Variants in TNFSF4 observed in about 807,000 individuals in gnomAD.
TNFSF4 encodes TNF superfamily member 4, also known as tumor necrosis factor ligand superfamily member 4.
In TNFSF4, 4 loss-of-function variants were observed where a neutral mutation model predicts 7.3. The ratio of observed to expected loss-of-function variants is 0.55; its 90% CI spans 0.27 to 1.25. The LOEUF (loss-of-function observed/expected upper bound fraction) is 1.25. Ranked by LOEUF, TNFSF4 falls within the 50% of genes most tolerant of loss-of-function variation. The pLI is 0.12. For missense variants in TNFSF4, 181 were observed against 208.8 expected (o/e 0.87, Z 0.82); for synonymous variants, 76 against 83.7 (o/e 0.91, Z 0.50).
At chr1:173,419,274 G>A in the TNFSF4 span, among the ~76,000 whole-genome samples, 17 of 151,854 alleles carry the variant, frequency 1.1e-4, no homozygotes, top group Middle Eastern at 0.01. Context: ...CCTGGGAGGC[G>A]GAGCTTGCAG....
At chr1:173,250,463 GT>G in the TNFSF4 span, among the ~76,000 whole-genome samples, 182 of 139,922 alleles carry the variant, frequency 1.3e-3, no homozygotes, top group Middle Eastern at 3.7e-3. Flanking sequence ...TTGTTTTTTT[GT>G]TTTTTTTTTT....
chr1:173,305,690 T>C, the TNFSF4 span, among the ~76,000 whole-genome samples: 1 of 151,092 alleles, frequency 6.6e-6, no homozygotes, highest in Non-Finnish European at 1.5e-5. Flanking sequence ...CTGGGTAATT[T>C]ATTAAAAAAA....
downstream of TNFSF4, among the ~76,000 whole-genome samples, chr1:173,183,401 G>A (rs1162876138): frequency 6.6e-6 from 1 of 152,178 alleles, no homozygotes; most frequent in Non-Finnish European, 1.5e-5. Context: ...GACAGCAGAT[G>A]TAATTACCAC....
chr1:173,396,307 C>T, the TNFSF4 span, among the ~76,000 whole-genome samples: 1,874 of 152,220 alleles, frequency 0.012, 35 homozygotes, highest in African/African-American at 0.043. Flanking sequence ...CCCAGGAATG[C>T]GAGACCAGGC....
intron 1 of TNFSF4, among the ~76,000 whole-genome samples, chr1:173,194,084 T>A (rs1301731832): frequency 6.6e-6 from 1 of 152,256 alleles, no homozygotes; most frequent in Non-Finnish European, 1.5e-5. Flanking sequence ...TGCTGTTAAC[T>A]ATGAACTTCC....
the TNFSF4 span, among the ~76,000 whole-genome samples, chr1:173,251,236 A>T: frequency 6.6e-6 from 1 of 152,262 alleles, no homozygotes; most frequent in Non-Finnish European, 1.5e-5. Context: ...CTTTGCTCCC[A>T]GAATTCTACC....
At chr1:173,352,468 G>A in the TNFSF4 span, among the ~76,000 whole-genome samples, 3 of 152,138 alleles carry the variant, frequency 2.0e-5, no homozygotes, top group African/African-American at 4.8e-5. Context: ...GTGTCCGGGG[G>A]AGACATCACA....
At chr1:173,423,499 A>G in the TNFSF4 span, among the ~76,000 whole-genome samples, 1 of 152,174 alleles carries the variant, frequency 6.6e-6, no homozygotes, top group South Asian at 2.1e-4. Flanking sequence ...GATGATGATC[A>G]GGTAGCAACT....
At chr1:173,369,031 T>G in the TNFSF4 span, among the ~76,000 whole-genome samples, 1 of 152,144 alleles carries the variant, frequency 6.6e-6, no homozygotes, top group African/African-American at 2.4e-5. Context: ...TATCTGGAAT[T>G]TTAGGATCCC....
the TNFSF4 span, among the ~76,000 whole-genome samples, chr1:173,320,579 C>T: frequency 6.6e-6 from 1 of 152,072 alleles, no homozygotes; most frequent in Non-Finnish European, 1.5e-5. Context: ...TTAGAAAACC[C>T]CATCATCTTA....
At chr1:173,392,974 A>C in the TNFSF4 span, among the ~76,000 whole-genome samples, 1 of 152,138 alleles carries the variant, frequency 6.6e-6, no homozygotes, top group South Asian at 2.1e-4. Flanking sequence ...TTATTTTCCT[A>C]ACCCAGAGCC....
At chr1:173,316,823 A>G in the TNFSF4 span, among the ~76,000 whole-genome samples, 2 of 152,188 alleles carry the variant, frequency 1.3e-5, no homozygotes, top group African/African-American at 4.8e-5. Context: ...TAATTGTTGT[A>G]CTAGACAAAA....
chr1:173,360,202 C>T, the TNFSF4 span, among the ~76,000 whole-genome samples: 1 of 152,212 alleles, frequency 6.6e-6, no homozygotes, highest in African/African-American at 2.4e-5. Context: ...TTAAAAGTGT[C>T]TATTGACAGG....
the TNFSF4 span, among the ~76,000 whole-genome samples, chr1:173,216,162 C>A: frequency 1.3e-5 from 2 of 152,160 alleles, no homozygotes; most frequent in Non-Finnish European, 1.5e-5. Flanking sequence ...CATCTTAAAA[C>A]ATACATGAGT....
the TNFSF4 span, among the ~76,000 whole-genome samples, chr1:173,263,817 AG>A: frequency 1.3e-5 from 2 of 152,218 alleles, no homozygotes; most frequent in African/African-American, 4.8e-5. Context: ...TGGGAAGGGA[AG>A]TTTCCTTCAG....
At chr1:173,407,816 G>A in the TNFSF4 span, among the ~76,000 whole-genome samples, 1 of 151,828 alleles carries the variant, frequency 6.6e-6, no homozygotes, top group Non-Finnish European at 1.5e-5. Context: ...TTTCTGCTAT[G>A]GTTTGACAGT....
the TNFSF4 span, among the ~76,000 whole-genome samples, chr1:173,213,230 T>C: frequency 6.6e-6 from 1 of 152,236 alleles, no homozygotes; most frequent in Admixed American, 6.5e-5. Flanking sequence ...GACTCACTAG[T>C]CTCTCACTTG....
intron 1 of TNFSF4, among the ~76,000 whole-genome samples, chr1:173,190,007 C>T (rs1291589802): frequency 8.1e-5 from 12 of 148,950 alleles, no homozygotes; most frequent in Middle Eastern, 3.3e-3. Flanking sequence ...GTCAGGAGTT[C>T]GAGATCAGCC....
chr1:173,287,904 A>G, the TNFSF4 span, among the ~76,000 whole-genome samples: 1 of 152,256 alleles, frequency 6.6e-6, no homozygotes, highest in African/African-American at 2.4e-5. Flanking sequence ...GAATGTAGAT[A>G]CAAAGGAGGC....
Sources: gnomAD v4.1 joint callset for allele counts (sites outside exome capture counted in the v4.1 genomes callset) on GRCh38, gnomAD v4.1.1 for gene constraint, MANE v1.5 for transcripts, NCBI Gene and HGNC (gene_info 2026-07-23, HGNC 2026-07-21) for gene names.